The following MAPK4 variants were observed in gnomAD, a reference collection of about 807,000 sequenced individuals.
MAPK4 encodes Erk3-related.
In MAPK4, 22 loss-of-function variants were observed where a neutral mutation model predicts 47.7. The observed-to-expected ratio is 0.46, with a 90% CI of 0.33 to 0.66. The LOEUF is 0.66. Among genes scored for constraint, MAPK4 ranks in the 30% least tolerant of loss-of-function variants. The pLI is 0.02. For missense variants in MAPK4, 736 were observed against 831.7 expected (o/e 0.88, Z 1.42); for synonymous variants, 390 against 365.7 (o/e 1.07, Z -0.76).
Position 50,729,695 on chromosome 18 carries a change from C to T in MAPK4, c.1605C>T (p.Pro535=). ...CCCCGGTGGACGGCGGCGCCAGCCCCCAGTTCGACCTGGACGTGTTCATCT... is the reference window on the plus strand; with the variant it reads ...CCCCGGTGGACGGCGGCGCCAGCCCTCAGTTCGACCTGGACGTGTTCATCT... ...RPAPVDGGAS[P]QFDLDVFISR... Residue 535 remains proline, a synonymous_variant, in exon 6 of 6, where the codon CCC becomes CCT. Transcript: ENST00000400384. The T allele has an allele frequency of 1.9e-6, 3 of 1,557,304 alleles. No individual in the cohort carries two copies. The highest frequency in any genetic ancestry group is 2.6e-6 in the Non-Finnish European group (3 of 1,151,740).
chr18:50,570,867 C>A (rs2149358294), intron 1 of MAPK4, among the ~76,000 whole-genome samples: 1 of 152,308 alleles, frequency 6.6e-6, no homozygotes, highest in South Asian at 2.1e-4. Context: ...CAAAGGGAGC[C>A]TGAGTGGTGG....
intron 1 of MAPK4, among the ~76,000 whole-genome samples, chr18:50,608,325 T>G (rs534560386): frequency 6.6e-6 from 1 of 152,234 alleles, no homozygotes; most frequent in Non-Finnish European, 1.5e-5. Context: ...AATTATAATT[T>G]ATAACTTCAC....
chr18:50,717,564 C>A (rs1910708101), intron 3 of MAPK4, among the ~76,000 whole-genome samples: 1 of 152,046 alleles, frequency 6.6e-6, no homozygotes, highest in Non-Finnish European at 1.5e-5. Flanking sequence ...ATTCCCCCCA[C>A]TAAAGCCCCT....
In MAPK4 at chr18:50,729,508, C is replaced by T. The variant is rs747432926; in HGVS notation, c.1418C>T (p.Ala473Val). 46 of 1,452,342 alleles carry T rather than the reference C, an allele frequency of 3.2e-5. 1 individual carries two copies. The South Asian group carries it at 5.8e-4, about 18-fold the overall frequency. 90.0% of individuals were successfully genotyped at this position (1,452,342 alleles called of 1,614,324 possible). ...CAGGCGGCCGGCGCGCCCCCCACGG[C>T]CACGGGGCTGGCGGACACGGGGGCG... ...WKQAAGAPPT[A>V]TGLADTGARE... The change falls in exon 6 of 6, where the codon GCC becomes GTC. Residue 473 changes from alanine to valine, a missense_variant. Around this residue, in one of 3 missense-constraint regions of MAPK4, gnomAD observed 377 missense variants for 378.6 expected, o/e 1.00. Coordinates refer to ENST00000400384, the MANE Select transcript of MAPK4 (RefSeq NM_002747.4).
chr18:50,699,718 G>A (rs1311574827), intron 2 of MAPK4, among the ~76,000 whole-genome samples: 1 of 152,166 alleles, frequency 6.6e-6, no homozygotes, highest in East Asian at 1.9e-4. Flanking sequence ...TAGGTCACCT[G>A]CACATCTGAC....
At position 50,560,432 on chromosome 18, in the gene MAPK4, C is replaced by T. The variant is rs369729400; in HGVS notation, c.-871+189C>T. Among the ~76,000 whole-genome samples, 134 of 152,140 alleles carry T rather than the reference C, an allele frequency of 8.8e-4. 2 individuals carry two copies. In the East Asian group the frequency reaches 0.023, roughly 26 times the overall value. On this transcript the variant is annotated intron_variant, in intron 1 of 5. Transcript: ENST00000400384. ...GAGTTTCCGAGCGGCGGGGGTCTCC[C>T]GCGGGACCCGCCCGGCTGCCCTGGG...
intron 2 of MAPK4, chr18:50,705,160 A>G (rs1316109377): frequency 5.6e-6 from 1 of 177,572 alleles, no homozygotes; most frequent in Non-Finnish European, 1.2e-5. Context: ...TCTACATGGC[A>G]ATGAAACTTC....
At position 50,663,891 on chromosome 18, in the gene MAPK4, T is replaced by G; in HGVS notation, c.-68T>G. The G allele has an allele frequency of 2.1e-6, 3 of 1,415,750 alleles. No homozygotes were observed. The highest frequency in any genetic ancestry group is 2.9e-6 in the Non-Finnish European group (3 of 1,031,850). The allele number at this position is 1,415,750 out of a possible 1,614,324, so 87.7% of individuals were successfully genotyped here. A position where few individuals can be genotyped will look rare whatever the true frequency, so the allele number is the denominator to read the frequency against. On this transcript the variant is annotated 5_prime_UTR_variant, in exon 2 of 6. Coordinates refer to ENST00000400384, the MANE Select transcript of MAPK4 (RefSeq NM_002747.4). The stretch of plus-strand genomic sequence containing the variant: ...GAATGAGGTGCGCGAGGGAGGCCGC[T>G]AGCCGAGACTTGGCCTTTCCTGACT...
rs1350754149 is a variant in MAPK4, at chr18:50,725,964, A to G, written c.856A>G (p.Ile286Val). 2.5e-6 allele frequency: 4 copies of G among 1,614,088 alleles called. No homozygotes were observed. The highest frequency in any genetic ancestry group is 2.5e-6 in the Non-Finnish European group (3 of 1,179,974). The change falls in exon 5 of 6, where the codon ATC (isoleucine) becomes GTC (valine). Residue 286 changes from isoleucine to valine, a missense_variant and splice_region_variant. Ile to Val is a conservative substitution (Grantham distance 29). Coordinates refer to ENST00000400384, the MANE Select transcript of MAPK4 (RefSeq NM_002747.4). ...ATGTCCGGCTTTGCTCCCTGCAGCC[A>G]TCGACTTTCTGGAGAAGATCCTGAC... ...KLLPEVNSEA[I>V]DFLEKILTFN...
At chr18:50,587,314 C>T (rs1217147204) in intron 1 of MAPK4, among the ~76,000 whole-genome samples, 1 of 152,242 alleles carries the variant, frequency 6.6e-6, no homozygotes, top group Non-Finnish European at 1.5e-5. Context: ...ACAGCTAGAA[C>T]ATGCCATCTG....
At chr18:50,680,010 A>T (rs1908494921) in intron 2 of MAPK4, among the ~76,000 whole-genome samples, 1 of 147,990 alleles carries the variant, frequency 6.8e-6, no homozygotes, top group Admixed American at 6.7e-5. Context: ...ACACACAGCG[A>T]GTTAGGAAAA....
chr18:50,581,740 G>C (rs2042347118), intron 1 of MAPK4, among the ~76,000 whole-genome samples: 1 of 152,186 alleles, frequency 6.6e-6, no homozygotes, highest in Non-Finnish European at 1.5e-5. Context: ...GCACCTGTGG[G>C]TAGAATGTGG....
At chr18:50,682,204 A>G (rs935101292) in intron 2 of MAPK4, among the ~76,000 whole-genome samples, 2 of 152,202 alleles carry the variant, frequency 1.3e-5, no homozygotes, top group Non-Finnish European at 2.9e-5. Flanking sequence ...AGTACACTTT[A>G]AAATGGTGAA....
chr18:50,637,236 T>A (rs144425591), intron 1 of MAPK4, among the ~76,000 whole-genome samples: 75 of 152,352 alleles, frequency 4.9e-4, no homozygotes, highest in Non-Finnish European at 9.4e-4. Context: ...ATTAGCTAAC[T>A]TTTATTGAGC....
intron 1 of MAPK4, among the ~76,000 whole-genome samples, chr18:50,583,459 T>A (rs758819685): frequency 6.6e-6 from 1 of 152,092 alleles, no homozygotes; most frequent in African/African-American, 2.4e-5. Flanking sequence ...CATGGTGGTG[T>A]GCACCTGTAG....
At chr18:50,613,385 G>A (rs1270536586) in intron 1 of MAPK4, among the ~76,000 whole-genome samples, 2 of 152,170 alleles carry the variant, frequency 1.3e-5, no homozygotes, top group South Asian at 4.1e-4. Context: ...AAGAAGCTGG[G>A]TCCCTAAATC....
intron 2 of MAPK4, among the ~76,000 whole-genome samples, chr18:50,701,371 A>G (rs1024275520): frequency 6.6e-6 from 1 of 152,140 alleles, no homozygotes; most frequent in African/African-American, 2.4e-5. Context: ...AAAGCAAGTT[A>G]TTTTGAGAGC....
chr18:50,580,446 T>G (rs751935083), intron 1 of MAPK4, among the ~76,000 whole-genome samples: 2 of 152,208 alleles, frequency 1.3e-5, no homozygotes, highest in Admixed American at 6.5e-5. Context: ...GGAAGACATA[T>G]GGCCTGAATA....
At chr18:50,574,396 C>T (rs1207852621) in intron 1 of MAPK4, among the ~76,000 whole-genome samples, 1 of 152,174 alleles carries the variant, frequency 6.6e-6, no homozygotes, top group African/African-American at 2.4e-5. Flanking sequence ...GAATTAGAAT[C>T]ACATGTTGTT....
Sources: gnomAD v4.1 joint callset for allele counts (sites outside exome capture counted in the v4.1 genomes callset) on GRCh38, gnomAD v4.1.1 for gene constraint, gnomAD v4.1.1 regional missense constraint, MANE v1.5 for transcripts, NCBI Gene and HGNC (gene_info 2026-07-23, HGNC 2026-07-21) for gene names.